The following NECTIN1 variants were observed in gnomAD, a reference collection of about 807,000 sequenced individuals.
NECTIN1 encodes the protein nectin cell adhesion molecule 1.
A neutral mutation model predicts 48.0 loss-of-function variants in NECTIN1; 23 were observed. That is an observed-to-expected ratio of 0.48 (90% confidence interval 0.34 to 0.68). The LOEUF is 0.68. NECTIN1 is among the 30% of genes least tolerant of loss of function. The pLI is 0.01. For synonymous variants in NECTIN1, 270 were observed against 288.9 expected, an observed-to-expected ratio of 0.93 and a Z score of 0.66; for missense variants, 591 against 709.9, an observed-to-expected ratio of 0.83 and a Z score of 1.90.
chr11:119,681,047 T>A (rs1865052466), intron 1 of NECTIN1, among the ~76,000 whole-genome samples: 2 of 152,218 alleles, frequency 1.3e-5, no homozygotes, highest in African/African-American at 4.8e-5. Flanking sequence ...TGGTCCTAAC[T>A]GTCTCATGAC....
Position 119,664,963 on chromosome 11 carries a change from ACCGCCCTCCTCCT to A in NECTIN1, c.1325_1337del (p.Glu442ValfsTer152). On this transcript the variant is annotated frameshift_variant, in exon 6 of 6. Coordinates refer to ENST00000264025, the MANE Select transcript of NECTIN1 (RefSeq NM_002855.5). LOFTEE classifies it high-confidence loss of function. ...CGCCCACCTTGCGCTCGCCCCCTCC[ACCGCCCTCCTCCT>A]CCTCCTCCTCCTCCTCATAGCTGCT... 6.2e-7 allele frequency: 1 copy of A among 1,607,412 alleles called. No individual in the cohort carries two copies. The highest frequency in any genetic ancestry group is 8.5e-7 in the Non-Finnish European group (1 of 1,174,958).
At chr11:119,657,990 G>A (rs959636619), downstream of NECTIN1, among the ~76,000 whole-genome samples, 6 of 151,222 alleles carry the variant, frequency 4.0e-5, no homozygotes, top group African/African-American at 7.3e-5. Context: ...ACCTATTGGC[G>A]TGGGGCAGGG....
chr11:119,670,297 T>C (rs1367596752), intron 5 of NECTIN1, among the ~76,000 whole-genome samples: 1 of 152,136 alleles, frequency 6.6e-6, no homozygotes, highest in Non-Finnish European at 1.5e-5. Context: ...CTATTGTCTT[T>C]CCTCCTATGC....
In NECTIN1 at chr11:119,655,099, T is replaced by C. The variant is rs1362447478; in HGVS notation, c.1004-15087A>G. Among the ~76,000 whole-genome samples, 9 of 150,826 alleles carry C rather than the reference T, an allele frequency of 6.0e-5. No homozygotes were observed. In the East Asian group the frequency reaches 1.8e-3, roughly 30 times the overall value. ...TAATTTTTTGTATTTTTAGTGGAGA[T>C]GGGGTTTCACCATGTTGGCCAGGCT... On this transcript the variant is annotated intron_variant, in intron 5 of 7. Transcript: ENST00000341398.
At position 119,683,496 on chromosome 11, in the gene NECTIN1, G is replaced by A. The variant is rs1243645517; in HGVS notation, c.80-4731C>T. On this transcript the variant is annotated intron_variant, in intron 1 of 5. Transcript: ENST00000264025. The surrounding 1 kb of genome is among the most constrained non-coding windows in gnomAD (Gnocchi z 4.0). The stretch of plus-strand genomic sequence containing the variant: ...TGGCACAAACACCAGCTACAATACT[G>A]GGGTGGCCATTGCATCTGCAGGTCA... 6.6e-6 allele frequency among the ~76,000 whole-genome samples: 1 copy of A among 152,016 alleles called. No homozygotes were observed. The highest frequency in any genetic ancestry group is 1.9e-4 in the East Asian group (1 of 5,176).
At chr11:119,723,812 A>T (rs1451483088) in intron 1 of NECTIN1, among the ~76,000 whole-genome samples, 1 of 152,142 alleles carries the variant, frequency 6.6e-6, no homozygotes, top group Non-Finnish European at 1.5e-5. Context: ...CTGCAAGGTG[A>T]TCCGTGCTCA....
chr11:119,726,293 C>G (rs1865906034), intron 1 of NECTIN1, among the ~76,000 whole-genome samples: 1 of 152,138 alleles, frequency 6.6e-6, no homozygotes, highest in Non-Finnish European at 1.5e-5. Flanking sequence ...TCTGGGCCAA[C>G]CAGCCTCCAT....
intron 4 of NECTIN1, among the ~76,000 whole-genome samples, chr11:119,676,310 G>C (rs1236567490): frequency 2.6e-5 from 4 of 152,200 alleles, no homozygotes; most frequent in Non-Finnish European, 5.9e-5. Context: ...GCTGAAACCA[G>C]CCAGCAGGCT....
intron 5 of NECTIN1, chr11:119,674,495 G>C (rs1864913845): frequency 6.2e-7 from 1 of 1,611,738 alleles, no homozygotes; most frequent in African/African-American, 1.4e-5. Context: ...ACATCATACT[G>C]TCCCCGTTTT....
chr11:119,680,539 C>T (rs904743647), intron 1 of NECTIN1, among the ~76,000 whole-genome samples: 1 of 152,210 alleles, frequency 6.6e-6, no homozygotes, highest in African/African-American at 2.4e-5. Context: ...GGCCCCAAAA[C>T]CCATGGTCAG....
chr11:119,692,143 A>C (rs1865267211), intron 1 of NECTIN1, among the ~76,000 whole-genome samples: 1 of 152,108 alleles, frequency 6.6e-6, no homozygotes, highest in Admixed American at 6.5e-5. Flanking sequence ...CCCAACACGA[A>C]TCTATCAGGA....
intron 5 of NECTIN1, among the ~76,000 whole-genome samples, chr11:119,648,268 G>GTGGTGGTGATGGTGGTGA (rs1864428138): frequency 4.6e-5 from 1 of 21,760 alleles, no homozygotes; most frequent in African/African-American, 1.4e-4. Context: ...GGTAATAGTG[G>GTGGTGGTGATGGTGGTGA]TGGTGGTGAT....
chr11:119,702,854 A>G (rs1438921406), intron 1 of NECTIN1, among the ~76,000 whole-genome samples: 6 of 152,100 alleles, frequency 3.9e-5, no homozygotes, highest in Admixed American at 2.6e-4. Flanking sequence ...GGGCCTTCCC[A>G]GGGTCTCTTC....
chr11:119,638,967 G>A (rs527689366), intron 6 of NECTIN1, among the ~76,000 whole-genome samples: 2 of 1,212 alleles, frequency 1.7e-3, no homozygotes, highest in South Asian at 0.12. Flanking sequence ...TTGGGCTGGG[G>A]CTCCTCAGGG....
chr11:119,691,629 G>A (rs1317115702), intron 1 of NECTIN1, among the ~76,000 whole-genome samples: 1 of 152,194 alleles, frequency 6.6e-6, no homozygotes, highest in Non-Finnish European at 1.5e-5. Flanking sequence ...GAAGGCAGAG[G>A]CTTCCTTGTT....
chr11:119,687,516 G>A (rs1865179036), intron 1 of NECTIN1, among the ~76,000 whole-genome samples: 1 of 152,056 alleles, frequency 6.6e-6, no homozygotes. Context: ...CACCCCAGCT[G>A]CAGCAAACAA....
chr11:119,722,292 T>C (rs1205851795), intron 1 of NECTIN1, among the ~76,000 whole-genome samples: 1 of 152,220 alleles, frequency 6.6e-6, no homozygotes, highest in Admixed American at 6.5e-5. Flanking sequence ...TTATGACAAT[T>C]TGCAAAAGGA....
chr11:119,641,786 G>A (rs1405743385), intron 5 of NECTIN1: 2 of 151,244 alleles, frequency 1.3e-5, no homozygotes, highest in Non-Finnish European at 2.9e-5. Flanking sequence ...GCAGTGGCGC[G>A]ATCTCGGCTC....
At position 119,661,392 on chromosome 11, in the gene NECTIN1, T is replaced by A; in HGVS notation, c.*3355A>T. On this transcript the variant is annotated 3_prime_UTR_variant, in exon 6 of 6. Coordinates refer to ENST00000264025, the MANE Select transcript of NECTIN1 (RefSeq NM_002855.5). ...CAGCAGAGGGGCCTGCCTCCTGGCA[T>A]CCCCGGTACTGGGCAGTGTGTGAAG... The A allele has an allele frequency of 2.0e-6, 2 of 986,238 alleles. No individual in the cohort carries two copies. The highest frequency in any genetic ancestry group is 1.2e-6 in the Non-Finnish European group (1 of 830,274). The allele number at this position is 986,238 out of a possible 1,614,324, so 61.1% of individuals were successfully genotyped here.
Sources: allele counts gnomAD v4.1 joint callset (sites outside exome capture counted in the v4.1 genomes callset), GRCh38; gene constraint gnomAD v4.1.1; non-coding constraint Gnocchi (gnomAD v3.1); transcripts MANE v1.5; gene names NCBI Gene and HGNC (gene_info 2026-07-23, HGNC 2026-07-21).